DNAH14: variants seen among roughly 807,000 people sequenced by gnomAD.
The protein encoded by DNAH14 is axonemal beta dynein heavy chain 14.
In DNAH14, 478 loss-of-function variants were observed where a neutral mutation model predicts 520.9. That is an observed-to-expected ratio of 0.92 (90% CI 0.85 to 0.99). The LOEUF (loss-of-function observed/expected upper bound fraction) is 0.99, where lower values mean the gene tolerates loss of function less well. Ranked by LOEUF, DNAH14 falls within the 50% of genes least tolerant of loss-of-function variation. The pLI, the probability that DNAH14 is intolerant of heterozygous loss-of-function variation, is 0.00. For synonymous variants in DNAH14, 1,581 were observed against 1,757.2 expected (o/e 0.90, Z 2.51); for missense variants, 4,831 against 5,234.5 (o/e 0.92, Z 2.38).
chr1:225,337,181 C>A, intron 66 of DNAH14, 85 bp from the exon 67 acceptor site: 1 of 1,097,810 alleles, frequency 9.1e-7, no homozygotes, highest in Non-Finnish European at 1.3e-6. Context: ...GGCAGTGATT[C>A]TGTAGGATCT....
intron 54 of DNAH14, among the ~76,000 whole-genome samples, chr1:225,285,824 T>C (rs953293559): frequency 1.3e-5 from 2 of 152,168 alleles, no homozygotes; most frequent in Non-Finnish European, 2.9e-5. Flanking sequence ...ACCACTGCAC[T>C]CCAGCCTGGG....
At chr1:225,182,758 C>T (rs987971908) in intron 36 of DNAH14, among the ~76,000 whole-genome samples, 3 of 152,176 alleles carry the variant, frequency 2.0e-5, no homozygotes, top group African/African-American at 7.2e-5. Flanking sequence ...CCCCTCATTC[C>T]AGGCTGGTGA....
At chr1:225,055,912 C>T (rs888865503) in intron 17 of DNAH14, among the ~76,000 whole-genome samples, 3 of 152,126 alleles carry the variant, frequency 2.0e-5, no homozygotes, top group Admixed American at 6.5e-5. Context: ...ATATGTGCCA[C>T]ATTTTCTTAA....
chr1:225,026,298 G>A (rs186702968), intron 11 of DNAH14, among the ~76,000 whole-genome samples: 127 of 151,464 alleles, frequency 8.4e-4, no homozygotes, highest in Non-Finnish European at 1.3e-3. Flanking sequence ...GTATTTGATT[G>A]ATTGTGCTTT....
intron 41 of DNAH14, among the ~76,000 whole-genome samples, chr1:225,228,092 G>A (rs2090724070): frequency 6.6e-6 from 1 of 152,180 alleles, no homozygotes; most frequent in Non-Finnish European, 1.5e-5. Context: ...ATCTTAGAAT[G>A]TGCCCTGTCC....
At chr1:225,149,807 T>C (rs1245149643) in intron 31 of DNAH14, among the ~76,000 whole-genome samples, 1 of 151,442 alleles carries the variant, frequency 6.6e-6, no homozygotes, top group Non-Finnish European at 1.5e-5. Context: ...TGGGCCATGA[T>C]GATGGGTTTT....
chr1:224,965,135 A>G (rs1467791422), intron 5 of DNAH14, among the ~76,000 whole-genome samples: 2 of 152,130 alleles, frequency 1.3e-5, no homozygotes, highest in Non-Finnish European at 2.9e-5. Flanking sequence ...GGTGAAAGCT[A>G]TGGTAAGAAC....
intron 41 of DNAH14, among the ~76,000 whole-genome samples, chr1:225,217,778 C>T (rs995450421): frequency 6.6e-6 from 1 of 152,054 alleles, no homozygotes; most frequent in Non-Finnish European, 1.5e-5. Flanking sequence ...AGGAGTGTCC[C>T]GATTTTCCAG....
At chr1:225,109,711 G>A (rs1006700061) in intron 23 of DNAH14, among the ~76,000 whole-genome samples, 5 of 151,948 alleles carry the variant, frequency 3.3e-5, no homozygotes, top group Admixed American at 6.6e-5. Context: ...TCTCTTTTCT[G>A]ATTGCTCCAG....
chr1:225,036,182 A>G (rs753003577), intron 11 of DNAH14, among the ~76,000 whole-genome samples: 4 of 151,924 alleles, frequency 2.6e-5, no homozygotes, highest in Non-Finnish European at 5.9e-5. Context: ...CTCACCTGGG[A>G]TGGAGTGCAA....
rs755670638 is a variant in DNAH14 at position 225,240,773 on chromosome 1, C to A, written c.6699C>A (p.Tyr2233Ter). 8 of 1,549,680 alleles carry A rather than the reference C, an allele frequency of 5.2e-6. No individual in the cohort carries two copies. In the East Asian group the frequency reaches 2.0e-4, roughly 38 times the overall value. The change falls in exon 43 of 86, where the codon TAC becomes TAA. Residue 2233 changes from tyrosine (Y) to a stop codon, truncating the protein, a stop_gained. Coordinates refer to ENST00000682510, the MANE Select transcript of DNAH14 (RefSeq NM_001367479.1). LOFTEE classifies it high-confidence loss of function. The stretch of plus-strand genomic sequence containing the variant: ...CTGATTCTCTTGCAAAAGTAACATA[C>A]GATTTTGACAAACTTGTTCATGAAT... ...LEPDSLAKVT[Y>*]DFDKLVHELF... is the part of the protein sequence containing the mutation.
At chr1:225,321,057 C>T (rs2094547297) in intron 61 of DNAH14, among the ~76,000 whole-genome samples, 1 of 152,008 alleles carries the variant, frequency 6.6e-6, no homozygotes, top group South Asian at 2.1e-4. Flanking sequence ...TTTTCTAGTT[C>T]CTCTGTTATC....
rs1575038344 is a variant in DNAH14 at position 225,364,838 on chromosome 1, T to G, written c.12034T>G (p.Leu4012Val). 1.9e-6 allele frequency: 3 copies of G among 1,549,062 alleles called. No individual in the cohort carries two copies. Among genetic ancestry groups the G allele is most frequent in the Non-Finnish European group, 1.7e-6 (2 of 1,146,082 alleles). The change falls in exon 76 of 86, where the codon TTA becomes GTA. Residue 4012 changes from leucine (L) to valine (V), a missense_variant. By Grantham distance (32) the Leu-to-Val change is conservative. Transcript: ENST00000682510. ...VTIDPEFRLW[L>V]SSKSYSSFPI... ...AATAGACCCTGAGTTTCGGCTATGG[T>G]TAAGCTCAAAATCATACAGTTCTTT...
chr1:225,300,536 A>G lies in DNAH14; in HGVS notation c.8470-333A>G, dbSNP rs547607111. Among the ~76,000 whole-genome samples, 29 of 152,264 alleles carry G rather than the reference A, an allele frequency of 1.9e-4. No homozygotes were observed. The South Asian group carries it at 5.8e-3, about 30-fold the overall frequency. ...CAACATAGAGAGGCCCAGTCACTAC[A>G]AGAATATTTTAAAAATTAGCCAAGC... On this transcript the variant is annotated intron_variant, in intron 55 of 85. Coordinates refer to ENST00000682510, the MANE Select transcript of DNAH14 (RefSeq NM_001367479.1).
Position 225,124,410 on chromosome 1 carries a change from C to T in DNAH14, c.4254+796C>T, listed in dbSNP as rs115184262. ...TGGAGTCAATTCTCTCAAACTCTGCCGCTGCTTTATCAACTAAGTTTATGT... is the reference window on the plus strand; with the variant it reads ...TGGAGTCAATTCTCTCAAACTCTGCTGCTGCTTTATCAACTAAGTTTATGT... On this transcript the variant is annotated intron_variant, in intron 27 of 85. Coordinates refer to ENST00000682510, the MANE Select transcript of DNAH14 (RefSeq NM_001367479.1). 3.9e-3 allele frequency among the ~76,000 whole-genome samples: 590 copies of T among 152,274 alleles called. 6 individuals carry two copies. Among genetic ancestry groups the T allele is most frequent in the African/African-American group, 0.013 (558 of 41,542 alleles).
At chr1:225,103,208 G>T (rs943881014) in intron 23 of DNAH14, among the ~76,000 whole-genome samples, 3 of 152,080 alleles carry the variant, frequency 2.0e-5, no homozygotes, top group Admixed American at 6.6e-5. Flanking sequence ...GTAGATATGG[G>T]ACATTATTTC....
At chr1:224,964,252 AT>A (rs1267859688) in intron 4 of DNAH14, among the ~76,000 whole-genome samples, 3 of 152,126 alleles carry the variant, frequency 2.0e-5, no homozygotes, top group African/African-American at 7.2e-5. Context: ...GTAATTATGA[AT>A]TAGGTCTTTT....
intron 60 of DNAH14, among the ~76,000 whole-genome samples, chr1:225,311,583 G>A (rs546724792): frequency 6.6e-6 from 1 of 152,270 alleles, no homozygotes; most frequent in East Asian, 1.9e-4. Context: ...ATGGTTTGGG[G>A]TCTTACATTT....
intron 31 of DNAH14, among the ~76,000 whole-genome samples, chr1:225,150,321 C>G (rs1215099447): frequency 6.6e-6 from 1 of 152,138 alleles, no homozygotes; most frequent in Non-Finnish European, 1.5e-5. Context: ...GATTCTTTCA[C>G]TGATGTTCAT....
Sources: gnomAD v4.1 joint callset for allele counts (sites outside exome capture counted in the v4.1 genomes callset) on GRCh38, gnomAD v4.1.1 for gene constraint, MANE v1.5 for transcripts, NCBI Gene and HGNC (gene_info 2026-07-23, HGNC 2026-07-21) for gene names.